Variants in GASK1A observed in about 807,000 individuals in gnomAD.
GASK1A encodes the protein golgi associated kinase 1A.
A neutral mutation model predicts 41.2 loss-of-function variants in GASK1A; 40 were observed. The observed-to-expected ratio is 0.97, with a 90% CI of 0.75 to 1.27. The LOEUF is 1.27. Ranked by LOEUF, GASK1A falls within the 50% of genes most tolerant of loss-of-function variation. The probability of loss-of-function intolerance (pLI) is 0.00; values close to 1 mark genes in which losing one functional copy is unlikely to be tolerated. For synonymous variants in GASK1A, 316 were observed against 307.1 expected (o/e 1.03, Z -0.30); for missense variants, 678 against 745.1 (o/e 0.91, Z 1.05).
intron 2 of GASK1A, among the ~76,000 whole-genome samples, chr3:43,052,282 A>C (rs1322300933): frequency 6.6e-6 from 1 of 152,096 alleles, no homozygotes; most frequent in Admixed American, 6.5e-5. Flanking sequence ...AACATTTCAC[A>C]AGGGCGGCAG....
At position 42,998,651 on chromosome 3, in the gene GASK1A, G is replaced by A. The variant is rs191062052; in HGVS notation, c.3+19006G>A. ...GAGTGTGCGGTAGGCAGGGGAGGGG[G>A]TCTCTGTCTCTGCCTCCTGCTATGA... is the stretch of plus-strand genomic sequence containing the variant. On this transcript the variant is annotated intron_variant, in intron 1 of 4. Transcript: ENST00000430121. Among the ~76,000 whole-genome samples, 283 of 152,260 alleles carry A rather than the reference G, an allele frequency of 1.9e-3. 1 individual carries two copies. Among genetic ancestry groups the A allele is most frequent in the Non-Finnish European group, 1.9e-3 (126 of 68,014 alleles).
At chr3:43,039,385 T>G (rs2089624194) in intron 2 of GASK1A, among the ~76,000 whole-genome samples, 1 of 152,102 alleles carries the variant, frequency 6.6e-6, no homozygotes, top group South Asian at 2.1e-4. Context: ...GTATTTTTAG[T>G]AGAGACACGG....
chr3:42,979,514 C>A lies in GASK1A; in HGVS notation c.-129C>A. 9.4e-7 allele frequency: 1 copy of A among 1,063,370 alleles called. No homozygotes were observed. Among genetic ancestry groups the A allele is most frequent in the Non-Finnish European group, 1.2e-6 (1 of 833,116 alleles). The allele number at this position is 1,063,370 out of a possible 1,614,324, so 65.9% of individuals were successfully genotyped here. The stretch of plus-strand genomic sequence containing the variant: ...TGCACCTTCAGTCCGGGAAACCCGC[C>A]CCAGCCGAGTAGCCGCGCATCCTGG... On this transcript the variant is annotated 5_prime_UTR_variant, in exon 1 of 5. Coordinates refer to ENST00000430121, the MANE Select transcript of GASK1A (RefSeq NM_001129908.3).
chr3:43,021,546 G>C (rs1394143835), intron 1 of GASK1A, among the ~76,000 whole-genome samples: 1 of 152,198 alleles, frequency 6.6e-6, no homozygotes. Context: ...AAGGTAGACT[G>C]TATCCAGAAG....
chr3:43,035,353 G>T (rs186986294), intron 2 of GASK1A, among the ~76,000 whole-genome samples: 71 of 152,232 alleles, frequency 4.7e-4, no homozygotes, highest in Non-Finnish European at 2.9e-5. Flanking sequence ...GGGAAGGAGG[G>T]GTTTCCCAGA....
chr3:43,017,428 G>A (rs1233008787), intron 1 of GASK1A, among the ~76,000 whole-genome samples: 1 of 151,298 alleles, frequency 6.6e-6, no homozygotes, highest in East Asian at 2.0e-4. Flanking sequence ...CATAGGAAGG[G>A]GCTGTGTGAA....
chr3:42,980,498 C>T (rs2089277429), intron 1 of GASK1A, among the ~76,000 whole-genome samples: 1 of 152,314 alleles, frequency 6.6e-6, no homozygotes, highest in Non-Finnish European at 1.5e-5. Context: ...TCGCCTCTTC[C>T]CTTTCCTTCC....
intron 1 of GASK1A, among the ~76,000 whole-genome samples, chr3:43,012,005 C>G (rs998407158): frequency 2.0e-5 from 3 of 150,304 alleles, no homozygotes; most frequent in African/African-American, 7.4e-5. Flanking sequence ...TGTGAAGTAA[C>G]AGGGACAGTG....
intron 1 of GASK1A, among the ~76,000 whole-genome samples, chr3:42,992,654 A>G (rs1326245090): frequency 6.6e-6 from 1 of 152,170 alleles, no homozygotes; most frequent in South Asian, 2.1e-4. Context: ...ATCCCTGGGG[A>G]TCCATCCCTA....
At chr3:42,995,333 G>A (rs1302064533) in intron 1 of GASK1A, among the ~76,000 whole-genome samples, 1 of 152,170 alleles carries the variant, frequency 6.6e-6, no homozygotes, top group Non-Finnish European at 1.5e-5. Flanking sequence ...GAACTTCAGG[G>A]AGCATGTCAT....
chr3:43,018,019 G>A (rs1048853749), intron 1 of GASK1A, among the ~76,000 whole-genome samples: 2 of 152,202 alleles, frequency 1.3e-5, no homozygotes, highest in African/African-American at 4.8e-5. Context: ...GTCACAGGAA[G>A]GGCTGCTTGA....
chr3:42,991,847 T>C (rs1261104532), intron 1 of GASK1A, among the ~76,000 whole-genome samples: 3 of 152,178 alleles, frequency 2.0e-5, no homozygotes, highest in East Asian at 3.8e-4. Context: ...CTGGGGGACC[T>C]GGACCCCAGC....
intron 1 of GASK1A, among the ~76,000 whole-genome samples, chr3:43,016,141 G>T (rs1575442447): frequency 6.7e-6 from 1 of 150,330 alleles, no homozygotes; most frequent in East Asian, 2.0e-4. Context: ...GGCATAGGAA[G>T]TCACAGGAAG....
chr3:43,027,365 A>G (rs2089551574), intron 1 of GASK1A, among the ~76,000 whole-genome samples: 1 of 152,234 alleles, frequency 6.6e-6, no homozygotes, highest in Admixed American at 6.5e-5. Context: ...TATGACACAA[A>G]TATAAACAAT....
In GASK1A at chr3:43,033,159, C is replaced by G. The variant is rs759826398; in HGVS notation, c.896C>G (p.Ala299Gly). 4 of 1,550,010 alleles carry G rather than the reference C, an allele frequency of 2.6e-6. No individual in the cohort carries two copies. In the African/African-American group the frequency reaches 5.5e-5, roughly 21 times the overall value. The change falls in exon 2 of 5, where the codon GCC (alanine) becomes GGC (glycine). Residue 299 changes from alanine to glycine, a missense_variant. Transcript: ENST00000430121. ...CAGGTTGGCTTCTCCACTGAGGCTG[C>G]CCTTCAGGACCTGTCCTCTCCCAGG... ...VLQVGFSTEA[A>G]LQDLSSPRLS...
intron 1 of GASK1A, among the ~76,000 whole-genome samples, chr3:42,998,921 CT>C (rs899314894): frequency 3.3e-5 from 5 of 151,888 alleles, no homozygotes; most frequent in African/African-American, 1.2e-4. Flanking sequence ...AGAAAAGCCT[CT>C]TTGTTTCTTA....
chr3:43,018,806 C>T (rs2089507196), intron 1 of GASK1A, among the ~76,000 whole-genome samples: 2 of 152,098 alleles, frequency 1.3e-5, no homozygotes, highest in African/African-American at 4.8e-5. Flanking sequence ...ACAGATAAGC[C>T]CCCTTTGAGA....
At chr3:42,987,871 T>C (rs937082900) in intron 1 of GASK1A, among the ~76,000 whole-genome samples, 8 of 151,548 alleles carry the variant, frequency 5.3e-5, no homozygotes, top group African/African-American at 7.3e-5. Flanking sequence ...TGGTGGTGGG[T>C]GCCTGTAGTC....
intron 1 of GASK1A, among the ~76,000 whole-genome samples, chr3:43,019,385 C>G (rs1186950291): frequency 2.6e-5 from 4 of 152,130 alleles, no homozygotes; most frequent in Admixed American, 2.6e-4. Flanking sequence ...GGAGGTTGTG[C>G]CTGTTGCCTT....
Sources: allele counts gnomAD v4.1 joint callset (sites outside exome capture counted in the v4.1 genomes callset), GRCh38; gene constraint gnomAD v4.1.1; transcripts MANE v1.5; gene names NCBI Gene and HGNC (gene_info 2026-07-23, HGNC 2026-07-21).